Variants in ABCB11 observed in about 807,000 individuals in gnomAD.
The protein encoded by ABCB11 is ATP binding cassette subfamily B member 11.
In ABCB11, 95 loss-of-function variants were observed where a neutral mutation model predicts 148.0. The ratio of observed to expected loss-of-function variants is 0.64; its 90% CI spans 0.54 to 0.76. The LOEUF (loss-of-function observed/expected upper bound fraction) is 0.76. ABCB11 is among the 30% of genes least tolerant of loss of function. ABCB11 has a pLI of 0.00. For missense variants in ABCB11, 1,523 were observed against 1,617.8 expected (o/e 0.94, Z 1.01); for synonymous variants, 591 against 555.4 (o/e 1.06, Z -0.90).
rs1691051298 is a variant in ABCB11, at chr2:168,920,795, T to G, written c.*2827A>C. Among the ~76,000 whole-genome samples, 1 of 152,340 alleles carries G rather than the reference T, an allele frequency of 6.6e-6. No individual in the cohort carries two copies. On this transcript the variant is annotated 3_prime_UTR_variant, in exon 28 of 28. Coordinates refer to ENST00000650372, the MANE Select transcript of ABCB11 (RefSeq NM_003742.4). ...GCCCCCTGGTGTTGTAAAATAAACA[T>G]GCAATGTTATTTATTTATTCATTTT...
chr2:169,019,262 A>T (rs1199254191), intron 1 of ABCB11, among the ~76,000 whole-genome samples: 1 of 152,194 alleles, frequency 6.6e-6, no homozygotes, highest in Non-Finnish European at 1.5e-5. Flanking sequence ...AATTCACCTA[A>T]TTGGAATCCC....
chr2:168,918,231 G>A (rs1690980517), downstream of ABCB11, among the ~76,000 whole-genome samples: 2 of 152,146 alleles, frequency 1.3e-5, no homozygotes. Flanking sequence ...TCAACAAGAT[G>A]TATTGAGGTA....
intron 11 of ABCB11, 83 bp from the exon 12 acceptor site, chr2:168,976,770 T>C (rs1326525337): frequency 1.2e-6 from 1 of 817,226 alleles, no homozygotes; most frequent in East Asian, 2.6e-5. Context: ...CAAATAAACA[T>C]CTTTGGCGTA....
intron 9 of ABCB11, among the ~76,000 whole-genome samples, chr2:168,989,437 A>G (rs1309471514): frequency 6.6e-6 from 1 of 152,048 alleles, no homozygotes; most frequent in Non-Finnish European, 1.5e-5. Context: ...TGGACTATAA[A>G]TGCATGGACT....
In ABCB11 at chr2:169,016,979, T is replaced by TAC. The variant is rs71397686; in HGVS notation, c.77-182_77-181dup. Among the ~76,000 whole-genome samples the TAC allele has an allele frequency of 0.29, 39,732 of 137,774 alleles. 5,792 individuals carry two copies. Among genetic ancestry groups the TAC allele is most frequent in the South Asian group, 0.39 (1,570 of 4,032 alleles). 90.4% of individuals were successfully genotyped at this position (137,774 alleles called of 152,430 possible). On this transcript the variant is annotated intron_variant, in intron 2 of 27. Coordinates refer to ENST00000650372, the MANE Select transcript of ABCB11 (RefSeq NM_003742.4). ...CTCATATTGTCTCTCTCTATCTTTC[T>TAC]ACACACACACACACACACACACACA...
rs377426819 is a variant in ABCB11 at position 168,924,716 on chromosome 2, C to A, written c.3706G>T (p.Asp1236Tyr). The change falls in exon 27 of 28, where the codon GAT becomes TAT. Residue 1236 changes from aspartate to tyrosine, a missense_variant. Physicochemically the swap from Asp to Tyr is radical, Grantham distance 160. Coordinates refer to ENST00000650372, the MANE Select transcript of ABCB11 (RefSeq NM_003742.4). ...TCATCTAGTAGCAAGATTTTAGGAT[C>A]TCGTACAATGGCCCGAGCAATAGCA... ...RIAIARAIVR[D>Y]PKILLLDEAT... is the part of the protein sequence containing the mutation. 3.7e-6 allele frequency: 6 copies of A among 1,613,666 alleles called. No homozygotes were observed. In the African/African-American group the frequency reaches 6.7e-5, roughly 18 times the overall value.
chr2:168,969,245 G>C (rs896384441), intron 16 of ABCB11, 105 bp downstream of exon 16: 13 of 1,065,126 alleles, frequency 1.2e-5, no homozygotes, highest in African/African-American at 3.2e-5. Flanking sequence ...ACGCCTGCCA[G>C]AGTTGTTGGG....
intron 19 of ABCB11, among the ~76,000 whole-genome samples, chr2:168,952,552 T>A (rs1427983347): frequency 6.6e-6 from 1 of 151,552 alleles, no homozygotes; most frequent in Non-Finnish European, 1.5e-5. Flanking sequence ...TTCTGTGGTA[T>A]CTGTTATAAT....
intron 18 of ABCB11, among the ~76,000 whole-genome samples, chr2:168,961,784 T>C (rs1195267183): frequency 1.3e-5 from 2 of 151,674 alleles, no homozygotes; most frequent in African/African-American, 2.4e-5. Flanking sequence ...TCTCAGGAAA[T>C]GGTTCTAAGT....
chr2:169,012,555 A>T (rs965420272), intron 5 of ABCB11, among the ~76,000 whole-genome samples: 6 of 151,742 alleles, frequency 4.0e-5, no homozygotes, highest in Non-Finnish European at 8.8e-5. Flanking sequence ...GCCTGTCCAA[A>T]ATGGTGAAAC....
intron 18 of ABCB11, among the ~76,000 whole-genome samples, chr2:168,958,935 C>T (rs537810135): frequency 6.6e-6 from 1 of 151,748 alleles, no homozygotes; most frequent in South Asian, 2.1e-4. Flanking sequence ...TTTTAGGTAG[C>T]TTATATAGAT....
chr2:168,927,441 G>T, intron 25 of ABCB11, 79 bp from the exon 26 acceptor site: 2 of 1,193,794 alleles, frequency 1.7e-6, no homozygotes, highest in Non-Finnish European at 2.4e-6. Flanking sequence ...AGCATTAGGT[G>T]TTATGCAGGA....
chr2:169,004,060 G>A (rs1052149302), intron 5 of ABCB11, among the ~76,000 whole-genome samples: 2 of 152,150 alleles, frequency 1.3e-5, no homozygotes, highest in African/African-American at 4.8e-5. Flanking sequence ...GTTACCTGGT[G>A]CTTTTGCCTC....
At chr2:168,932,798 A>G (rs923757375) in intron 23 of ABCB11, among the ~76,000 whole-genome samples, 3 of 152,120 alleles carry the variant, frequency 2.0e-5, no homozygotes, top group Admixed American at 6.5e-5. Flanking sequence ...CCTTTATTTG[A>G]CCACAATAGC....
chr2:169,014,254 C>T, intron 4 of ABCB11, 49 bp downstream of exon 4: 1 of 1,566,730 alleles, frequency 6.4e-7, no homozygotes, highest in East Asian at 2.2e-5. Context: ...ATGATCTAAA[C>T]AATTTATAGC....
chr2:169,000,549 T>C (rs1185819911), intron 5 of ABCB11, among the ~76,000 whole-genome samples: 3 of 152,116 alleles, frequency 2.0e-5, no homozygotes, highest in Non-Finnish European at 4.4e-5. Flanking sequence ...CCCCACTGAA[T>C]TGTTTTTCCA....
intron 12 of ABCB11, 91 bp from the exon 13 acceptor site, chr2:168,973,931 C>T: frequency 6.9e-7 from 1 of 1,451,800 alleles, no homozygotes; most frequent in African/African-American, 1.5e-5. Context: ...TGTGTTGATA[C>T]TCGGTGTCTG....
intron 5 of ABCB11, among the ~76,000 whole-genome samples, chr2:169,012,179 C>T (rs1695206859): frequency 6.6e-6 from 1 of 152,066 alleles, no homozygotes; most frequent in Non-Finnish European, 1.5e-5. Flanking sequence ...ACTATAAATT[C>T]CTCTGAGGGA....
intron 19 of ABCB11, among the ~76,000 whole-genome samples, chr2:168,956,048 C>T (rs561149636): frequency 6.6e-6 from 1 of 151,854 alleles, no homozygotes; most frequent in African/African-American, 2.4e-5. Context: ...AATTGGTTCA[C>T]AGTTCCACAT....
Sources: allele counts gnomAD v4.1 joint callset (sites outside exome capture counted in the v4.1 genomes callset), GRCh38; gene constraint gnomAD v4.1.1; transcripts MANE v1.5; gene names NCBI Gene and HGNC (gene_info 2026-07-23, HGNC 2026-07-21).